The following ZFC3H1 variants were observed in gnomAD, a reference collection of about 807,000 sequenced individuals.
ZFC3H1 encodes zinc finger C3H1-type containing.
A neutral mutation model predicts 243.7 loss-of-function variants in ZFC3H1; 71 were observed. The observed-to-expected ratio is 0.29, with a 90% CI of 0.24 to 0.36. The LOEUF (loss-of-function observed/expected upper bound fraction) is 0.36. Ranked by LOEUF, ZFC3H1 falls within the 10% of genes least tolerant of loss-of-function variation. The probability of loss-of-function intolerance (pLI) is 1.00; values close to 1 mark genes in which losing one functional copy is unlikely to be tolerated. For synonymous variants in ZFC3H1, 838 were observed against 813.0 expected (o/e 1.03, Z -0.52); for missense variants, 1,966 against 2,317.1 (o/e 0.85, Z 3.11).
chr12:71,631,729 A>G, intron 16 of ZFC3H1, 49 bp downstream of exon 16: 1 of 1,476,230 alleles, frequency 6.8e-7, no homozygotes, highest in Non-Finnish European at 9.2e-7. Flanking sequence ...AATATTAAAA[A>G]CCAAACAGAA....
chr12:71,619,852 C>T (rs1386266679), intron 26 of ZFC3H1, 74 bp downstream of exon 26: 1 of 1,369,540 alleles, frequency 7.3e-7, no homozygotes, highest in South Asian at 1.4e-5. Flanking sequence ...GACCAGGAAA[C>T]ACTTCCTGGT....
At chr12:71,611,953 T>TA in intron 31 of ZFC3H1, 66 bp from the exon 32 acceptor site, 45 of 883,332 alleles carry the variant, frequency 5.1e-5, no homozygotes, top group Non-Finnish European at 6.9e-5. Flanking sequence ...ATGTGCTCTA[T>TA]GAGCACAATG....
chr12:71,628,074 G>C, intron 20 of ZFC3H1, 140 bp from the exon 21 acceptor site: 1 of 794,514 alleles, frequency 1.3e-6, no homozygotes, highest in Non-Finnish European at 1.9e-6. Flanking sequence ...CAGCTTTAAG[G>C]TAGAGCTATG....
At chr12:71,642,665 T>A in intron 5 of ZFC3H1, 106 bp from the exon 6 acceptor site, 1 of 1,344,746 alleles carries the variant, frequency 7.4e-7, no homozygotes, top group Non-Finnish European at 1.0e-6. Flanking sequence ...AAAATCATGG[T>A]GATTCAGTTA....
intron 1 of ZFC3H1, among the ~76,000 whole-genome samples, chr12:71,661,687 GGC>G (rs549395562): frequency 6.7e-4 from 102 of 152,016 alleles, no homozygotes; most frequent in South Asian, 2.7e-3. Context: ...TCACCATGTT[GGC>G]CAAGCTGGTC....
intron 27 of ZFC3H1, among the ~76,000 whole-genome samples, chr12:71,618,617 T>C (rs1021343708): frequency 1.3e-5 from 2 of 151,962 alleles, no homozygotes; most frequent in Non-Finnish European, 2.9e-5. Context: ...GTAGTGGTAA[T>C]AGACTACATG....
In ZFC3H1 at chr12:71,656,955, G is replaced by T. The variant is rs948003440; in HGVS notation, c.945C>A (p.Asn315Lys). The change falls in exon 2 of 35, where the codon AAC becomes AAA. Residue 315 changes from asparagine to lysine, a missense_variant. Asn to Lys is a moderately conservative substitution (Grantham distance 94, BLOSUM62 0). Transcript: ENST00000378743. The part of the protein sequence containing the change: ...RQKLTLPGDK[N>K]RLKKVKDGAK... ...CTCCATCTTTAACTTTTTTCAAACG[G>T]TTCTTATCTCCTGGTAAAGTCAATT... The T allele has an allele frequency of 6.2e-7, 1 of 1,613,800 alleles. No homozygotes were observed.
intron 9 of ZFC3H1, 117 bp from the exon 10 acceptor site, chr12:71,635,697 GT>G: frequency 1.0e-6 from 1 of 988,346 alleles, no homozygotes; most frequent in Non-Finnish European, 1.4e-6. Context: ...TCCTTCTAGG[GT>G]TGTATTACAT....
chr12:71,615,922 T>C (rs749032357), intron 27 of ZFC3H1, among the ~76,000 whole-genome samples: 19 of 152,166 alleles, frequency 1.2e-4, no homozygotes, highest in Non-Finnish European at 2.2e-4. Flanking sequence ...TAAATAAACC[T>C]AGTTTAAAAA....
chr12:71,638,100 G>A (rs1880510193), intron 7 of ZFC3H1, among the ~76,000 whole-genome samples: 2 of 151,936 alleles, frequency 1.3e-5, no homozygotes, highest in African/African-American at 4.8e-5. Context: ...CCCTAAAAAA[G>A]AGACAGTCCA....
intron 10 of ZFC3H1, 62 bp from the exon 11 acceptor site, chr12:71,634,887 G>A: frequency 6.5e-7 from 1 of 1,528,736 alleles, no homozygotes; most frequent in Non-Finnish European, 8.7e-7. Flanking sequence ...TCCATACTAA[G>A]ATTTATATTT....
At chr12:71,633,612 T>C (rs574209059) in intron 12 of ZFC3H1, among the ~76,000 whole-genome samples, 174 bp from the exon 13 acceptor site, 10 of 152,256 alleles carry the variant, frequency 6.6e-5, no homozygotes, top group East Asian at 1.9e-4. Context: ...TAAATTAACA[T>C]TGCTACACTG....
At chr12:71,640,886 C>A (rs763014491) in intron 6 of ZFC3H1, among the ~76,000 whole-genome samples, 17 of 151,380 alleles carry the variant, frequency 1.1e-4, no homozygotes, top group Middle Eastern at 3.2e-3. Context: ...CCCCGCCCGG[C>A]GAAAAACTCT....
chr12:71,629,930 T>G (rs1315020468), intron 18 of ZFC3H1, among the ~76,000 whole-genome samples: 1 of 150,326 alleles, frequency 6.7e-6, no homozygotes, highest in Non-Finnish European at 1.5e-5. Flanking sequence ...AAAAAAAAAG[T>G]AGTTCCTAAA....
Position 71,634,754 on chromosome 12 carries a change from C to G in ZFC3H1, c.2310G>C (p.Leu770Phe). ...ENDPLRTPEALPEEKKIEYRL... is the reference protein window; with the variant it reads ...ENDPLRTPEAFPEEKKIEYRL... ...TATATTCAATCTTCTTTTCTTCAGGCAAAGCCTCCGGTGTTCGCAGAGGAT... is the reference window on the plus strand; with the variant it reads ...TATATTCAATCTTCTTTTCTTCAGGGAAAGCCTCCGGTGTTCGCAGAGGAT... Residue 770 changes from leucine to phenylalanine, a missense_variant, in exon 11 of 35, where the codon TTG becomes TTC. Transcript: ENST00000378743. 2 of 1,605,686 alleles carry G rather than the reference C, an allele frequency of 1.2e-6. No individual in the cohort carries two copies. Among genetic ancestry groups the G allele is most frequent in the Non-Finnish European group, 1.7e-6 (2 of 1,176,580 alleles).
At chr12:71,629,793 T>TA (rs1043599374) in intron 18 of ZFC3H1, 83 bp from the exon 19 acceptor site, 1 of 898,394 alleles carries the variant, frequency 1.1e-6, no homozygotes, top group African/African-American at 1.7e-5. Context: ...TGAACTAGTT[T>TA]AAGAATTAAA....
Position 71,619,931 on chromosome 12 carries a change from A to G in ZFC3H1, c.5044T>C (p.Leu1682=). 6.3e-7 allele frequency: 1 copy of G among 1,579,308 alleles called. No homozygotes were observed. The highest frequency in any genetic ancestry group is 1.2e-5 in the South Asian group (1 of 86,132). ...VFYHMCKFFI[L]QNRGDNLLPF... is the part of the protein sequence containing the mutation. Reference sequence around the variant, plus strand: ...GAATTATGCATCATTTTTACCTGTAAGATGAAGAATTTGCACATATGATAA... The same window carrying G: ...GAATTATGCATCATTTTTACCTGTAGGATGAAGAATTTGCACATATGATAA... Residue 1682 remains leucine, a synonymous_variant, in exon 26 of 35, where the codon TTA becomes CTA. Coordinates refer to ENST00000378743, the MANE Select transcript of ZFC3H1 (RefSeq NM_144982.5).
chr12:71,625,401 C>T (rs752318299), intron 22 of ZFC3H1, among the ~76,000 whole-genome samples: 14 of 152,074 alleles, frequency 9.2e-5, no homozygotes, highest in Non-Finnish European at 1.9e-4. Context: ...TAAAAAACAT[C>T]CCATTCTTGG....
At chr12:71,641,199 G>T (rs1880594690) in intron 6 of ZFC3H1, among the ~76,000 whole-genome samples, 1 of 152,174 alleles carries the variant, frequency 6.6e-6, no homozygotes, top group Middle Eastern at 3.4e-3. Context: ...GAATTATAAT[G>T]AATCATCTCC....
Sources: gnomAD v4.1 joint callset for allele counts (sites outside exome capture counted in the v4.1 genomes callset) on GRCh38, gnomAD v4.1.1 for gene constraint, MANE v1.5 for transcripts, NCBI Gene and HGNC (gene_info 2026-07-23, HGNC 2026-07-21) for gene names.